The following TRIO variants were observed in gnomAD, a reference collection of about 807,000 sequenced individuals.
TRIO encodes triple functional domain protein.
Under a neutral mutation model 351.9 loss-of-function variants are expected in TRIO, and 58 were observed. That is an observed-to-expected ratio of 0.16 (90% CI 0.13 to 0.21). The LOEUF (loss-of-function observed/expected upper bound fraction) is 0.21. Ranked by LOEUF, TRIO falls within the 10% of genes least tolerant of loss-of-function variation. TRIO has a pLI of 1.00. For missense variants in TRIO, 3,201 were observed against 4,027.8 expected, an observed-to-expected ratio of 0.79 and a Z score of 5.56; for synonymous variants, 1,758 against 1,595.7, an observed-to-expected ratio of 1.10 and a Z score of -2.42.
chr5:14,339,927 G>A (rs1480190736), intron 11 of TRIO, among the ~76,000 whole-genome samples: 1 of 152,192 alleles, frequency 6.6e-6, no homozygotes, highest in Non-Finnish European at 1.5e-5. Flanking sequence ...AAAATGAAAA[G>A]CTAGATGGGC....
intron 3 of TRIO, among the ~76,000 whole-genome samples, chr5:14,285,302 T>C (rs756370932): frequency 6.6e-6 from 1 of 152,098 alleles, no homozygotes; most frequent in Non-Finnish European, 1.5e-5. Context: ...AGCTGCTGGA[T>C]CTGTTTTCTC....
At chr5:14,336,427 G>C in intron 10 of TRIO, 109 bp from the exon 11 acceptor site, 1 of 1,142,960 alleles carries the variant, frequency 8.7e-7, no homozygotes, top group Non-Finnish European at 1.3e-6. Context: ...ATTCATGTAA[G>C]TGATCAAAAA....
In TRIO at chr5:14,237,805, G is replaced by C. The variant is rs184848836; in HGVS notation, c.158-33020G>C. Among the ~76,000 whole-genome samples, 826 of 152,278 alleles carry C rather than the reference G, an allele frequency of 5.4e-3. 25 individuals are homozygous for C. Among genetic ancestry groups the C allele is most frequent in the Non-Finnish European group, 3.0e-3 (202 of 68,022 alleles). ...AATATTGATCAGGCTTTGATAGCTA[G>C]GTTTTGAAAAGAGAAACGGTTACCA... On this transcript the variant is annotated intron_variant, in intron 1 of 56. Coordinates refer to ENST00000344204, the MANE Select transcript of TRIO (RefSeq NM_007118.4).
chr5:14,287,866 A>G (rs1449404326), intron 4 of TRIO, among the ~76,000 whole-genome samples: 2 of 152,242 alleles, frequency 1.3e-5, no homozygotes, highest in Non-Finnish European at 2.9e-5. Flanking sequence ...GTTAGGTTTC[A>G]GTGGATGTAT....
chr5:14,406,275 C>G (rs1748711345), intron 32 of TRIO: 1 of 562,674 alleles, frequency 1.8e-6, no homozygotes, highest in Middle Eastern at 4.8e-4. Flanking sequence ...TGCACATGAC[C>G]TTGGATAAGT....
intron 34 of TRIO, among the ~76,000 whole-genome samples, chr5:14,442,823 C>G (rs913484557): frequency 1.3e-5 from 2 of 152,174 alleles, no homozygotes; most frequent in Admixed American, 6.5e-5. Context: ...ATGCCTCAGC[C>G]GCTAGCTAGC....
chr5:14,225,973 T>G (rs1346375748), intron 1 of TRIO, among the ~76,000 whole-genome samples: 1 of 152,202 alleles, frequency 6.6e-6, no homozygotes, highest in Non-Finnish European at 1.5e-5. Flanking sequence ...AAGTCAGCTT[T>G]GAGTTCCGCC....
At position 14,497,892 on chromosome 5, in the gene TRIO, T is replaced by A. The variant is rs751297338; in HGVS notation, c.8047+18T>A. The A allele has an allele frequency of 4.3e-6, 7 of 1,614,202 alleles. No individual in the cohort carries two copies. Among genetic ancestry groups the A allele is most frequent in the Non-Finnish European group, 5.9e-6 (7 of 1,180,018 alleles). ...TTATGACGGTGAGTTCTGTTCTTTT[T>A]CTTCTAGTCCTAGAGATGATTCTAG... On this transcript the variant is annotated intron_variant, in intron 51 of 56. Transcript: ENST00000344204. This position sits in a 1 kb window ranked among gnomAD's most constrained non-coding sequence, Gnocchi z 4.4.
Position 14,496,860 on chromosome 5 carries a change from G to A in TRIO, c.7881-19G>A. The A allele has an allele frequency of 1.2e-6, 2 of 1,613,516 alleles. No individual in the cohort carries two copies. Among genetic ancestry groups the A allele is most frequent in the Non-Finnish European group, 1.7e-6 (2 of 1,179,668 alleles). On this transcript the variant is annotated intron_variant, in intron 49 of 56. Transcript: ENST00000344204. ...ATGTTGGAAAGGCATAATACCCACA[G>A]TGTGTTCATTTCCCCTAGGAAGTCA...
intron 48 of TRIO, among the ~76,000 whole-genome samples, chr5:14,491,536 T>C (rs1328355566): frequency 6.6e-6 from 1 of 152,100 alleles, no homozygotes; most frequent in African/African-American, 2.4e-5. Context: ...CTGCATTTCT[T>C]CTCCACCCAG....
intron 18 of TRIO, 40 bp from the exon 19 acceptor site, chr5:14,374,189 A>C: frequency 6.5e-7 from 1 of 1,537,654 alleles, no homozygotes; most frequent in Non-Finnish European, 9.0e-7. Context: ...ACGTTTGTAG[A>C]AGTCAAATTA....
At position 14,506,385 on chromosome 5, in the gene TRIO, A is replaced by AGC. The variant is rs145684754; in HGVS notation, c.8613-736_8613-735dup. Among the ~76,000 whole-genome samples, 235 of 152,282 alleles carry AGC rather than the reference A, an allele frequency of 1.5e-3. 7 individuals carry two copies. The East Asian group carries it at 0.041, about 26-fold the overall frequency. ...CTACAGATTTCTGTTTTGCAAAGAG[A>AGC]GCAGCATAGGCCGGTGTTGAGAGAG... On this transcript the variant is annotated intron_variant, in intron 55 of 56. Transcript: ENST00000344204.
At position 14,390,270 on chromosome 5, in the gene TRIO, A is replaced by G. The variant is rs1746938161; in HGVS notation, c.4098A>G (p.Pro1366=). Residue 1366 remains proline (P), a synonymous_variant, in exon 26 of 57, where the codon CCA becomes CCG. Transcript: ENST00000344204. ...AGCTGGAAAAATATGAACAGTTGCC[A>G]GAGGATGTTGGACATTGTTTTGTTA... ...LKELEKYEQL[P]EDVGHCFVTW... 1 of 1,614,146 alleles carries G rather than the reference A, an allele frequency of 6.2e-7. No homozygotes were observed. Among genetic ancestry groups the G allele is most frequent in the African/African-American group, 1.3e-5 (1 of 75,062 alleles).
At chr5:14,471,240 G>T in intron 37 of TRIO, 78 bp from the exon 38 acceptor site, 1 of 1,420,724 alleles carries the variant, frequency 7.0e-7, no homozygotes, top group East Asian at 2.4e-5. Flanking sequence ...TTCTGACTTT[G>T]GGTATTTTCT....
At chr5:14,373,045 GAGA>G (rs1198752889) in intron 18 of TRIO, among the ~76,000 whole-genome samples, 2 of 152,204 alleles carry the variant, frequency 1.3e-5, no homozygotes, top group Non-Finnish European at 2.9e-5. Context: ...AGAAGAATGA[GAGA>G]AGTACAGGGT....
intron 2 of TRIO, 65 bp from the exon 3 acceptor site, chr5:14,280,257 G>T (rs1319887775): frequency 6.8e-7 from 1 of 1,473,142 alleles, no homozygotes; most frequent in South Asian, 1.1e-5. Flanking sequence ...CAGAGTGAAT[G>T]GATGATAACA....
Position 14,419,823 on chromosome 5 carries a change from G to T in TRIO, c.5005G>T (p.Ala1669Ser). Residue 1669 changes from alanine to serine, a missense_variant, in exon 34 of 57, where the codon GCT (alanine) becomes TCT (serine). By Grantham distance (99) the Ala-to-Ser change is moderately conservative (BLOSUM62 1). Around this residue, in one of 19 missense-constraint regions of TRIO, gnomAD observed 136 missense variants for 229.5 expected, o/e 0.59. Transcript: ENST00000344204. ...GACAGTGGTGATCCATGACTTCACC[G>T]CTTGCAACAGCAACGAGCTGACCAT... ...ELTVVIHDFT[A>S]CNSNELTIRR... The T allele has an allele frequency of 6.2e-7, 1 of 1,614,168 alleles. No individual in the cohort carries two copies. The highest frequency in any genetic ancestry group is 8.5e-7 in the Non-Finnish European group (1 of 1,180,038).
intron 20 of TRIO, among the ~76,000 whole-genome samples, chr5:14,380,194 T>A (rs1329444146): frequency 6.6e-6 from 1 of 152,224 alleles, no homozygotes; most frequent in Non-Finnish European, 1.5e-5. Context: ...GTTCCCTGTC[T>A]CCGTGTCCCT....
chr5:14,349,227 C>A (rs1216396775), intron 11 of TRIO, among the ~76,000 whole-genome samples: 3 of 132,768 alleles, frequency 2.3e-5, no homozygotes, highest in African/African-American at 5.9e-5. Flanking sequence ...TGTGTTTTTC[C>A]TGTGTGTTTG....
Sources: allele counts gnomAD v4.1 joint callset (sites outside exome capture counted in the v4.1 genomes callset), GRCh38; gene constraint gnomAD v4.1.1; regional missense constraint gnomAD v4.1.1; non-coding constraint Gnocchi (gnomAD v3.1); transcripts MANE v1.5; gene names NCBI Gene and HGNC (gene_info 2026-07-23, HGNC 2026-07-21).